Variants in UNC5C observed in about 807,000 individuals in gnomAD.
The protein encoded by UNC5C is netrin receptor UNC5C.
A neutral mutation model predicts 99.8 loss-of-function variants in UNC5C; 47 were observed. The observed-to-expected ratio is 0.47, with a 90% CI of 0.37 to 0.60. UNC5C has a LOEUF of 0.60. Among genes scored for constraint, UNC5C ranks in the 20% least tolerant of loss-of-function variants. The pLI is 0.00. For missense variants in UNC5C, 1,062 were observed against 1,165.9 expected (o/e 0.91, Z 1.30); for synonymous variants, 487 against 452.2 (o/e 1.08, Z -0.98).
At chr4:95,333,319 C>T (rs1743197906) in intron 2 of UNC5C, among the ~76,000 whole-genome samples, 1 of 152,078 alleles carries the variant, frequency 6.6e-6, no homozygotes, top group Non-Finnish European at 1.5e-5. Flanking sequence ...TTGGAACCAA[C>T]CCAAATGTCC....
intron 4 of UNC5C, among the ~76,000 whole-genome samples, chr4:95,257,782 TCTG>T (rs1392523501): frequency 2.0e-5 from 3 of 152,368 alleles, no homozygotes; most frequent in African/African-American, 7.2e-5. Context: ...CCTGAGGACT[TCTG>T]CTTCTTTTGG....
intron 1 of UNC5C, among the ~76,000 whole-genome samples, chr4:95,356,193 C>CAAAAAAAAAAAAAAAAAACAAAAAAA (rs1744181884): frequency 1.7e-5 from 1 of 57,996 alleles, no homozygotes; most frequent in Admixed American, 1.6e-4. Context: ...GACCCTGTAG[C>CAAAAAAAAAAAAAAAAAACAAAAAAA]AAAAAAAAAA....
chr4:95,164,136 AG>A lies in UNC5C; in HGVS notation c.*5097del, dbSNP rs1219844316. 1 of 152,204 alleles carries A rather than the reference AG, an allele frequency of 6.6e-6. No homozygotes were observed. Among genetic ancestry groups the A allele is most frequent in the Non-Finnish European group, 1.5e-5 (1 of 68,030 alleles). 9.4% of individuals were successfully genotyped at this position (152,204 alleles called of 1,614,324 possible). A position where few individuals can be genotyped will look rare whatever the true frequency, so the allele number is the denominator to read the frequency against. On this transcript the variant is annotated 3_prime_UTR_variant, in exon 16 of 16. Coordinates refer to ENST00000453304, the MANE Select transcript of UNC5C (RefSeq NM_003728.4). The stretch of plus-strand genomic sequence containing the variant: ...GTAAGCACAAGGCTGATAAAACTAA[AG>A]GATCTGGAAGCTCATGGCTAGACTT...
At chr4:95,513,707 A>G (rs1247052550) in intron 1 of UNC5C, among the ~76,000 whole-genome samples, 1 of 152,174 alleles carries the variant, frequency 6.6e-6, no homozygotes, top group Admixed American at 6.6e-5. Flanking sequence ...GCAGGCATTA[A>G]CGCAACAGCT....
chr4:95,188,130 C>T (rs1252796143), intron 12 of UNC5C, among the ~76,000 whole-genome samples: 1 of 151,626 alleles, frequency 6.6e-6, no homozygotes, highest in East Asian at 1.9e-4. Flanking sequence ...TTTTTTTGGT[C>T]CCAGTGGTTC....
chr4:95,233,351 G>A lies in UNC5C; in HGVS notation c.1108+9078C>T, dbSNP rs116493035. The stretch of plus-strand genomic sequence containing the variant: ...AAATTTGTCTACTGTGGCATGAACC[G>A]TCTTCAGCAAGGAGTAATTCTAAGT... On this transcript the variant is annotated intron_variant, in intron 7 of 15. Transcript: ENST00000453304. Among the ~76,000 whole-genome samples the A allele has an allele frequency of 6.0e-3, 913 of 152,212 alleles. 14 individuals are homozygous for A. The highest frequency in any genetic ancestry group is 0.02 in the African/African-American group (844 of 41,536).
chr4:95,396,530 C>G (rs1021519162), intron 1 of UNC5C, among the ~76,000 whole-genome samples: 1 of 152,058 alleles, frequency 6.6e-6, no homozygotes, highest in Non-Finnish European at 1.5e-5. Context: ...GGCTTGAACC[C>G]GACCTTCAAG....
intron 1 of UNC5C, among the ~76,000 whole-genome samples, chr4:95,354,468 C>CATATATAT (rs1553965986): frequency 6.1e-5 from 6 of 98,220 alleles, no homozygotes; most frequent in African/African-American, 1.9e-4. Context: ...CTAACTCTTC[C>CATATATAT]ATATATATAT....
intron 1 of UNC5C, among the ~76,000 whole-genome samples, chr4:95,367,037 C>G (rs1744593649): frequency 6.6e-6 from 1 of 152,106 alleles, no homozygotes; most frequent in Non-Finnish European, 1.5e-5. Context: ...TTCATCTTCA[C>G]TAAGACCCTG....
intron 1 of UNC5C, among the ~76,000 whole-genome samples, chr4:95,343,561 C>A (rs1579342157): frequency 6.6e-6 from 1 of 152,048 alleles, no homozygotes; most frequent in East Asian, 1.9e-4. Context: ...CAAGGCCATC[C>A]AAGAAAACAT....
intron 1 of UNC5C, among the ~76,000 whole-genome samples, chr4:95,492,656 A>C (rs748048754): frequency 1.3e-5 from 2 of 151,506 alleles, no homozygotes; most frequent in African/African-American, 2.4e-5. Context: ...CACACACACA[A>C]AAATCTTGAC....
intron 1 of UNC5C, among the ~76,000 whole-genome samples, chr4:95,447,492 A>G (rs1747138742): frequency 6.6e-6 from 1 of 152,124 alleles, no homozygotes; most frequent in South Asian, 2.1e-4. Flanking sequence ...GCCTAATTTT[A>G]TTATTTATTT....
At chr4:95,222,252 TG>T (rs1441289795) in intron 7 of UNC5C, 2 of 1,482,920 alleles carry the variant, frequency 1.3e-6, no homozygotes, top group African/African-American at 2.9e-5. Flanking sequence ...TCAGTTGAAA[TG>T]GGATAAATGA....
chr4:95,291,807 A>G (rs999677133), intron 3 of UNC5C, among the ~76,000 whole-genome samples: 1 of 152,190 alleles, frequency 6.6e-6, no homozygotes, highest in Non-Finnish European at 1.5e-5. Flanking sequence ...TCTAAAGTAT[A>G]TATTTAATCT....
chr4:95,241,019 A>T (rs147928909), intron 7 of UNC5C, among the ~76,000 whole-genome samples: 1 of 152,364 alleles, frequency 6.6e-6, no homozygotes, highest in East Asian at 1.9e-4. Flanking sequence ...AGGCAGAAAG[A>T]TAGAAAAAGT....
chr4:95,337,516 A>G (rs1341020113), intron 1 of UNC5C, among the ~76,000 whole-genome samples: 1 of 151,960 alleles, frequency 6.6e-6, no homozygotes, highest in East Asian at 1.9e-4. Context: ...ATTTTATTGT[A>G]AACTACTGAA....
chr4:95,541,065 T>C (rs1722906140), intron 1 of UNC5C, among the ~76,000 whole-genome samples: 1 of 152,164 alleles, frequency 6.6e-6, no homozygotes, highest in Non-Finnish European at 1.5e-5. Flanking sequence ...GTAACAAATA[T>C]GCAAATTCAT....
Position 95,202,906 on chromosome 4 carries a change from G to T in UNC5C, c.1961C>A (p.Ala654Glu), listed in dbSNP as rs1737738374. The T allele has an allele frequency of 6.2e-7, 1 of 1,614,192 alleles. No homozygotes were observed. Among genetic ancestry groups the T allele is most frequent in the East Asian group, 2.2e-5 (1 of 44,876 alleles). ...FTTPCYIQLD[A>E]EACHILTENL... ...CTCTGTGAGGATGTGGCAGGCCTCT[G>T]CATCCAGCTGAATGTAGCAGGGGGT... is the stretch of plus-strand genomic sequence containing the variant. The change falls in exon 12 of 16, where the codon GCA (alanine) becomes GAA (glutamate). Residue 654 changes from alanine to glutamate, a missense_variant. By Grantham distance (107) the Ala-to-Glu change is moderately radical. Transcript: ENST00000453304.
At chr4:95,425,197 A>C (rs1746442351) in intron 1 of UNC5C, among the ~76,000 whole-genome samples, 1 of 152,176 alleles carries the variant, frequency 6.6e-6, no homozygotes, top group Admixed American at 6.5e-5. Context: ...TAGGAAATCT[A>C]TTCTATATTA....
Sources: allele counts gnomAD v4.1 joint callset (sites outside exome capture counted in the v4.1 genomes callset), GRCh38; gene constraint gnomAD v4.1.1; transcripts MANE v1.5; gene names NCBI Gene and HGNC (gene_info 2026-07-23, HGNC 2026-07-21).